The following VPS13A variants were observed in gnomAD, a reference collection of about 807,000 sequenced individuals.
VPS13A encodes the protein intermembrane lipid transfer protein VPS13A.
A neutral mutation model predicts 390.9 loss-of-function variants in VPS13A; 264 were observed. That is an observed-to-expected ratio of 0.68 (90% CI 0.61 to 0.75). The LOEUF is 0.75. VPS13A is among the 30% of genes least tolerant of loss of function. VPS13A has a pLI of 0.00. For missense variants in VPS13A, 3,409 were observed against 3,733.9 expected, an observed-to-expected ratio of 0.91 and a Z score of 2.27; for synonymous variants, 1,231 against 1,227.1, an observed-to-expected ratio of 1.00 and a Z score of -0.07.
chr9:77,305,307 T>A (rs1439057214), intron 34 of VPS13A, among the ~76,000 whole-genome samples: 1 of 152,192 alleles, frequency 6.6e-6, no homozygotes, highest in African/African-American at 2.4e-5. Flanking sequence ...AAAATCTTAG[T>A]GTGTAAGATA....
intron 13 of VPS13A, 80 bp downstream of exon 13, chr9:77,221,436 C>A: frequency 6.8e-7 from 1 of 1,471,856 alleles, no homozygotes; most frequent in Non-Finnish European, 9.4e-7. Flanking sequence ...TACTCCCTAC[C>A]TTTCATTCCA....
At chr9:77,384,545 C>T in intron 68 of VPS13A, 2 of 1,610,536 alleles carry the variant, frequency 1.2e-6, no homozygotes, top group Non-Finnish European at 1.7e-6. Context: ...CCATACTCTA[C>T]TAACCTTTGT....
chr9:77,326,857 A>G (rs928180834), intron 45 of VPS13A, among the ~76,000 whole-genome samples: 1 of 152,080 alleles, frequency 6.6e-6, no homozygotes, highest in African/African-American at 2.4e-5. Context: ...GCCTTAGATA[A>G]TCTACACATG....
At chr9:77,272,623 C>T (rs777425744) in intron 23 of VPS13A, among the ~76,000 whole-genome samples, 5 of 152,008 alleles carry the variant, frequency 3.3e-5, no homozygotes, top group Non-Finnish European at 7.4e-5. Flanking sequence ...CAGGGGTAAA[C>T]GATGCATTAT....
At chr9:77,199,749 A>C (rs888031551) in intron 1 of VPS13A, among the ~76,000 whole-genome samples, 196 bp from the exon 2 acceptor site, 5 of 148,360 alleles carry the variant, frequency 3.4e-5, no homozygotes, top group Non-Finnish European at 7.5e-5. Context: ...CAATTAGTGA[A>C]GATTTGGTCA....
intron 71 of VPS13A, among the ~76,000 whole-genome samples, chr9:77,409,754 G>C (rs201443349): frequency 6.6e-6 from 1 of 150,926 alleles, no homozygotes; most frequent in African/African-American, 2.4e-5. Flanking sequence ...AGAGAAAAAA[G>C]AATAGAAATC....
rs555943748 is a variant in VPS13A, at chr9:77,388,891, T to G, written c.9189+6804T>G. ...TTGGCATTTCTATGAATTAAAAATT[T>G]TACAGACCTGCATTTCTAGGGAAAA... On this transcript the variant is annotated intron_variant, in intron 68 of 71. Transcript: ENST00000360280. Among the ~76,000 whole-genome samples, 9 of 152,324 alleles carry G rather than the reference T, an allele frequency of 5.9e-5. No homozygotes were observed. The East Asian group carries it at 1.7e-3, about 29-fold the overall frequency.
Position 77,344,274 on chromosome 9 carries a change from A to T in VPS13A, c.7148A>T (p.Asp2383Val). ...GAAAATTGTATTCTATTGCGTCTAG[A>T]TAACGAGGTAAGTTTTTTTTTCTTT... ...KQENCILLRL[D>V]NELGGIIAEV... Residue 2383 changes from aspartate (D) to valine (V), a missense_variant, in exon 51 of 72, where the codon GAT becomes GTT. This residue lies in a region of VPS13A where 2,717 missense variants were observed against 2,917.4 expected (regional missense o/e 0.93). Coordinates refer to ENST00000360280, the MANE Select transcript of VPS13A (RefSeq NM_033305.3). 1 of 1,613,412 alleles carries T rather than the reference A, an allele frequency of 6.2e-7. No homozygotes were observed. The highest frequency in any genetic ancestry group is 8.5e-7 in the Non-Finnish European group (1 of 1,179,638).
At chr9:77,408,644 AT>A (rs1460047561) in intron 71 of VPS13A, among the ~76,000 whole-genome samples, 1 of 152,200 alleles carries the variant, frequency 6.6e-6, no homozygotes, top group Non-Finnish European at 1.5e-5. Flanking sequence ...AGGAGATTAT[AT>A]CCCATGCCTG....
At chr9:77,324,433 G>A (rs1217492852) in intron 45 of VPS13A, among the ~76,000 whole-genome samples, 1 of 152,092 alleles carries the variant, frequency 6.6e-6, no homozygotes, top group East Asian at 1.9e-4. Context: ...TCTATTCCTA[G>A]TGTGCTGAGA....
intron 46 of VPS13A, among the ~76,000 whole-genome samples, chr9:77,332,954 T>A (rs1340429884): frequency 6.6e-6 from 1 of 152,212 alleles, no homozygotes; most frequent in Non-Finnish European, 1.5e-5. Context: ...TTTAGGCACC[T>A]ATTTTCACAT....
rs370682910 is a variant in VPS13A, at chr9:77,246,975, T to A, written c.1901-284T>A. On this transcript the variant is annotated intron_variant, in intron 19 of 71. Coordinates refer to ENST00000360280, the MANE Select transcript of VPS13A (RefSeq NM_033305.3). ...AGTAAATATTTTATGCCACTGAAAC[T>A]TTTTTTTTGGTCTGTATCTTCCCAA... 5.9e-5 allele frequency among the ~76,000 whole-genome samples: 9 copies of A among 151,492 alleles called. No homozygotes were observed. The South Asian group carries it at 6.2e-4, about 11-fold the overall frequency.
At chr9:77,340,845 G>A (rs1830769543) in intron 50 of VPS13A, 1 of 334,764 alleles carries the variant, frequency 3.0e-6, no homozygotes, top group Non-Finnish European at 5.6e-6. Flanking sequence ...ATGCACCAAA[G>A]AGAAGGAAAT....
chr9:77,289,172 G>A (rs573592736), intron 31 of VPS13A, among the ~76,000 whole-genome samples: 16 of 152,182 alleles, frequency 1.1e-4, no homozygotes, highest in South Asian at 2.1e-4. Context: ...GTTTAAGCTC[G>A]CCTCAGCCTA....
chr9:77,221,508 A>T, intron 13 of VPS13A, 152 bp downstream of exon 13: 2 of 802,762 alleles, frequency 2.5e-6, no homozygotes, highest in Admixed American at 2.8e-5. Context: ...TCTTAACTTC[A>T]GCTGAATAAT....
At chr9:77,345,251 G>A in intron 52 of VPS13A, 109 bp downstream of exon 52, 2 of 1,228,624 alleles carry the variant, frequency 1.6e-6, no homozygotes, top group Non-Finnish European at 2.3e-6. Flanking sequence ...TAGCATTGTA[G>A]CTGTGTAAAA....
chr9:77,278,113 C>T (rs982561228), intron 26 of VPS13A, among the ~76,000 whole-genome samples: 6 of 151,934 alleles, frequency 3.9e-5, no homozygotes, highest in African/African-American at 1.5e-4. Flanking sequence ...CTCTGTTGCC[C>T]AGGCTGGAGT....
chr9:77,414,739 T>TTAATAA (rs148536381), intron 71 of VPS13A, among the ~76,000 whole-genome samples: 15,600 of 145,570 alleles, frequency 0.11, 1,499 homozygotes, highest in African/African-American at 0.26. Context: ...TGAAGTATAA[T>TTAATAA]TAATAATAAT....
At chr9:77,405,154 A>T (rs746178124) in intron 69 of VPS13A, among the ~76,000 whole-genome samples, 3 of 152,218 alleles carry the variant, frequency 2.0e-5, no homozygotes, top group Non-Finnish European at 4.4e-5. Context: ...TCAAAATGGG[A>T]AAACAAGAAT....
Sources: gnomAD v4.1 joint callset for allele counts (sites outside exome capture counted in the v4.1 genomes callset) on GRCh38, gnomAD v4.1.1 for gene constraint, gnomAD v4.1.1 regional missense constraint, MANE v1.5 for transcripts, NCBI Gene and HGNC (gene_info 2026-07-23, HGNC 2026-07-21) for gene names.